Variants in DLG1 observed in about 807,000 individuals in gnomAD.
DLG1 encodes the protein disks large homolog 1.
DLG1 carries 42 observed loss-of-function variants against 123.4 expected under a neutral mutation model. The ratio of observed to expected loss-of-function variants is 0.34; its 90% CI spans 0.27 to 0.44. The LOEUF is 0.44. Ranked by LOEUF, DLG1 falls within the 20% of genes least tolerant of loss-of-function variation. DLG1 has a pLI of 1.00. For synonymous variants in DLG1, 317 were observed against 356.2 expected, an observed-to-expected ratio of 0.89 and a Z score of 1.24; for missense variants, 942 against 1,082.6, an observed-to-expected ratio of 0.87 and a Z score of 1.82.
At chr3:197,158,945 T>C (rs1239162501) in intron 5 of DLG1, among the ~76,000 whole-genome samples, 1 of 152,174 alleles carries the variant, frequency 6.6e-6, no homozygotes, top group East Asian at 1.9e-4. Context: ...AGCAGAGTAT[T>C]TACTCTAGGG....
At chr3:197,125,256 T>C (rs988443417) in intron 11 of DLG1, among the ~76,000 whole-genome samples, 30 of 152,004 alleles carry the variant, frequency 2.0e-4, no homozygotes, top group Admixed American at 1.8e-3. Flanking sequence ...TAGGGAAATG[T>C]AGTAGGACTG....
At position 197,179,034 on chromosome 3, in the gene DLG1, G is replaced by A. The variant is rs113754617; in HGVS notation, c.483+15391C>T. The stretch of plus-strand genomic sequence containing the variant: ...CTAGTACAGAAGTGAATATGGGTAA[G>A]CTTTAGGCACACAGTTCATTTATTT... On this transcript the variant is annotated intron_variant, in intron 5 of 24. Transcript: ENST00000667157. Among the ~76,000 whole-genome samples the A allele has an allele frequency of 5.6e-3, 847 of 152,234 alleles. 4 individuals are homozygous for A. Among genetic ancestry groups the A allele is most frequent in the Non-Finnish European group, 9.5e-3 (646 of 68,018 alleles).
chr3:197,079,909 C>A (rs1236259832), intron 17 of DLG1, among the ~76,000 whole-genome samples: 1 of 151,872 alleles, frequency 6.6e-6, no homozygotes, highest in African/African-American at 2.4e-5. Context: ...CTTAGTGATA[C>A]CAGAGATGTA....
chr3:197,251,794 T>C (rs1407611332), intron 4 of DLG1, among the ~76,000 whole-genome samples: 4 of 152,224 alleles, frequency 2.6e-5, no homozygotes, highest in Admixed American at 1.3e-4. Context: ...AACCAGGATA[T>C]ATTAAGAGCT....
chr3:197,180,065 T>G (rs1809304508), intron 5 of DLG1, among the ~76,000 whole-genome samples: 1 of 87,032 alleles, frequency 1.1e-5, no homozygotes, highest in African/African-American at 6.0e-5. Context: ...GTGTTTTTTT[T>G]TTGGGGGGGG....
chr3:197,226,204 A>T (rs1739843915), intron 4 of DLG1: 1 of 152,220 alleles, frequency 6.6e-6, no homozygotes, highest in South Asian at 2.1e-4. Context: ...GCTTCACTAA[A>T]ATTATAGTCA....
Position 197,059,620 on chromosome 3 carries a change from C to T in DLG1, c.2483+269G>A, listed in dbSNP as rs565775846. Among the ~76,000 whole-genome samples the T allele has an allele frequency of 1.3e-4, 4 of 30,764 alleles. No individual in the cohort carries two copies. In the South Asian group the frequency reaches 3.1e-3, roughly 24 times the overall value. 20.2% of individuals were successfully genotyped at this position (30,764 alleles called of 152,430 possible). A position where few individuals can be genotyped will look rare whatever the true frequency, so the allele number is the denominator to read the frequency against. On this transcript the variant is annotated intron_variant, in intron 23 of 24. Coordinates refer to ENST00000667157, the MANE Select transcript of DLG1 (RefSeq NM_001366207.1). Reference sequence around the variant, plus strand: ...TAATGGTTACCTGAGAGCTGTGCTGCGTACTTCAGTAGCCACTAGTCACAC... The same window carrying T: ...TAATGGTTACCTGAGAGCTGTGCTGTGTACTTCAGTAGCCACTAGTCACAC...
chr3:197,217,362 A>C (rs1055639547), intron 4 of DLG1, among the ~76,000 whole-genome samples: 1 of 152,232 alleles, frequency 6.6e-6, no homozygotes. Context: ...AGAACAATGA[A>C]TGTCCTCCCT....
intron 23 of DLG1, among the ~76,000 whole-genome samples, chr3:197,056,129 T>C (rs1041289963): frequency 6.6e-6 from 1 of 152,078 alleles, no homozygotes; most frequent in South Asian, 2.1e-4. Context: ...GACTTCAGAG[T>C]TCCCAACCTG....
intron 5 of DLG1, among the ~76,000 whole-genome samples, chr3:197,169,285 C>A (rs1364484500): frequency 6.6e-6 from 1 of 152,186 alleles, no homozygotes; most frequent in Admixed American, 6.5e-5. Context: ...AAGTGGTTTT[C>A]ATTATGTGCA....
chr3:197,149,554 G>GA (rs929199636), intron 6 of DLG1, among the ~76,000 whole-genome samples, 189 bp downstream of exon 6: 14 of 149,050 alleles, frequency 9.4e-5, no homozygotes, highest in African/African-American at 2.0e-4. Flanking sequence ...TTTACAAAAG[G>GA]AAAAAAAAAT....
intron 18 of DLG1, chr3:197,069,751 C>T (rs1464629518): frequency 6.6e-6 from 1 of 152,210 alleles, no homozygotes; most frequent in Non-Finnish European, 1.5e-5. Context: ...GATGAAAATC[C>T]ATGTTTCTGA....
chr3:197,050,395 C>G (rs1726674193), intron 24 of DLG1, among the ~76,000 whole-genome samples: 1 of 151,240 alleles, frequency 6.6e-6, no homozygotes, highest in Admixed American at 6.6e-5. Flanking sequence ...AAAAAACCCC[C>G]AAAAAAACCC....
rs141172268 is a variant in DLG1 at position 197,155,238 on chromosome 3, G to C, written c.484-5442C>G. 2.4e-4 allele frequency among the ~76,000 whole-genome samples: 36 copies of C among 152,246 alleles called. No individual in the cohort carries two copies. In the East Asian group the frequency reaches 6.6e-3, roughly 28 times the overall value. Reference sequence around the variant, plus strand: ...GAGATTATCAGCAGACTTCACATCAGACACTCTGGAGGTCATATGGCAGTG... The same window carrying C: ...GAGATTATCAGCAGACTTCACATCACACACTCTGGAGGTCATATGGCAGTG... On this transcript the variant is annotated intron_variant, in intron 5 of 24. Coordinates refer to ENST00000667157, the MANE Select transcript of DLG1 (RefSeq NM_001366207.1).
intron 4 of DLG1, among the ~76,000 whole-genome samples, chr3:197,223,386 A>G (rs995877878): frequency 2.0e-5 from 3 of 152,242 alleles, no homozygotes; most frequent in African/African-American, 7.2e-5. Context: ...CTATTACTGT[A>G]ACCTTCTTGG....
chr3:197,049,415 C>T (rs1725678018), intron 24 of DLG1, among the ~76,000 whole-genome samples: 1 of 152,232 alleles, frequency 6.6e-6, no homozygotes, highest in African/African-American at 2.4e-5. Flanking sequence ...TTCACTGCAA[C>T]ATAATCAACA....
chr3:197,255,528 G>C (rs1756437851), intron 4 of DLG1, among the ~76,000 whole-genome samples: 1 of 152,116 alleles, frequency 6.6e-6, no homozygotes, highest in Non-Finnish European at 1.5e-5. Context: ...GTATATATTT[G>C]AGAGAAATTA....
Position 197,042,807 on chromosome 3 carries a change from T to A in DLG1, c.*1816A>T, listed in dbSNP as rs1308226236. 1 of 152,254 alleles carries A rather than the reference T, an allele frequency of 6.6e-6. No individual in the cohort carries two copies. The highest frequency in any genetic ancestry group is 2.4e-5 in the African/African-American group (1 of 41,466). 9.4% of individuals were successfully genotyped at this position (152,254 alleles called of 1,614,324 possible). Reference sequence around the variant, plus strand: ...TGTGTATTTCAATGTGGTAACACACTCTGCTGCCTAACGGCTCTTGGATTC... The same window carrying A: ...TGTGTATTTCAATGTGGTAACACACACTGCTGCCTAACGGCTCTTGGATTC... On this transcript the variant is annotated 3_prime_UTR_variant, in exon 25 of 25. Coordinates refer to ENST00000667157, the MANE Select transcript of DLG1 (RefSeq NM_001366207.1).
chr3:197,083,066 T>C (rs1752168062), intron 16 of DLG1, among the ~76,000 whole-genome samples: 1 of 152,190 alleles, frequency 6.6e-6, no homozygotes, highest in South Asian at 2.1e-4. Context: ...CTATGTTCTA[T>C]TTCTGGAAAA....
Sources: gnomAD v4.1 joint callset for allele counts (sites outside exome capture counted in the v4.1 genomes callset) on GRCh38, gnomAD v4.1.1 for gene constraint, MANE v1.5 for transcripts, NCBI Gene and HGNC (gene_info 2026-07-23, HGNC 2026-07-21) for gene names.